Variants in SH3BGRL2 observed in about 807,000 individuals in gnomAD.
SH3BGRL2 encodes the protein SH3 domain binding glutamate rich protein like 2, also known as SH3 domain-binding glutamic acid-rich-like protein 2.
In SH3BGRL2, 21 loss-of-function variants were observed where a neutral mutation model predicts 14.8. The ratio of observed to expected loss-of-function variants is 1.42; its 90% confidence interval spans 1.01 to 2.05. The LOEUF is 2.05. Ranked by LOEUF, SH3BGRL2 falls within the 30% of genes most tolerant of loss-of-function variation. The pLI, the probability that SH3BGRL2 is intolerant of heterozygous loss-of-function variation, is 0.00. For missense variants in SH3BGRL2, 147 were observed against 130.8 expected (o/e 1.12, Z -0.61); for synonymous variants, 50 against 47.8 (o/e 1.05, Z -0.19).
At chr6:79,623,459 C>G in the SH3BGRL2 span, among the ~76,000 whole-genome samples, 1 of 152,146 alleles carries the variant, frequency 6.6e-6, no homozygotes, top group African/African-American at 2.4e-5. Context: ...GGACAGTGTT[C>G]CCTGACATCA....
the SH3BGRL2 span, among the ~76,000 whole-genome samples, chr6:79,560,106 G>T: frequency 6.6e-6 from 1 of 152,256 alleles, no homozygotes; most frequent in African/African-American, 2.4e-5. Flanking sequence ...AATGTTGGGG[G>T]TGGGGAGCAT....
At chr6:79,669,128 A>G (rs932697943) in intron 1 of SH3BGRL2, among the ~76,000 whole-genome samples, 75 of 152,308 alleles carry the variant, frequency 4.9e-4, no homozygotes, top group African/African-American at 1.7e-3. Context: ...GTTAATATTT[A>G]TTGAGGGCCT....
At chr6:79,548,236 C>A in the SH3BGRL2 span, among the ~76,000 whole-genome samples, 1 of 152,106 alleles carries the variant, frequency 6.6e-6, no homozygotes, top group South Asian at 2.1e-4. Flanking sequence ...TTAAAAAAAA[C>A]TTCATAAGTA....
At chr6:79,576,540 G>A in the SH3BGRL2 span, among the ~76,000 whole-genome samples, 9 of 152,114 alleles carry the variant, frequency 5.9e-5, no homozygotes, top group Non-Finnish European at 1.0e-4. Context: ...CTAATCAATA[G>A]TTTATTTTTT....
At chr6:79,636,030 G>A (rs1166186454) in intron 1 of SH3BGRL2, among the ~76,000 whole-genome samples, 1 of 152,032 alleles carries the variant, frequency 6.6e-6, no homozygotes, top group African/African-American at 2.4e-5. Flanking sequence ...GAATAGAGTG[G>A]GTATTAATTC....
chr6:79,590,482 G>A, the SH3BGRL2 span, among the ~76,000 whole-genome samples: 130,188 of 131,892 alleles, frequency 0.99, 64,276 homozygotes, highest in East Asian at 1. Context: ...GGAATACAGC[G>A]CAGCCATAAA....
the SH3BGRL2 span, among the ~76,000 whole-genome samples, chr6:79,559,307 A>AT: frequency 7.3e-5 from 11 of 151,402 alleles, no homozygotes; most frequent in Admixed American, 1.3e-4. Flanking sequence ...GTCTCTGCAA[A>AT]TTTTTTTTTG....
chr6:79,586,422 C>T, the SH3BGRL2 span, among the ~76,000 whole-genome samples: 1 of 151,972 alleles, frequency 6.6e-6, no homozygotes, highest in South Asian at 2.1e-4. Flanking sequence ...TTACCTTTTA[C>T]ATATGAATAT....
the SH3BGRL2 span, among the ~76,000 whole-genome samples, chr6:79,542,968 G>A: frequency 2.6e-5 from 4 of 152,182 alleles, no homozygotes; most frequent in Admixed American, 1.3e-4. Flanking sequence ...GAATTAAAAT[G>A]TGTTGAAGTA....
At chr6:79,645,651 G>A (rs1769126507) in intron 1 of SH3BGRL2, among the ~76,000 whole-genome samples, 1 of 152,186 alleles carries the variant, frequency 6.6e-6, no homozygotes, top group African/African-American at 2.4e-5. Flanking sequence ...ATTATATCGA[G>A]AAGGCTATAT....
At chr6:79,651,784 G>A (rs780867956) in intron 1 of SH3BGRL2, among the ~76,000 whole-genome samples, 20 of 152,176 alleles carry the variant, frequency 1.3e-4, no homozygotes, top group Non-Finnish European at 2.8e-4. Flanking sequence ...ATTATTACAT[G>A]CTAGTTTGTG....
chr6:79,677,922 G>C (rs1463355924), intron 2 of SH3BGRL2, among the ~76,000 whole-genome samples: 1 of 152,090 alleles, frequency 6.6e-6, no homozygotes, highest in Non-Finnish European at 1.5e-5. Context: ...TGTCTGATTT[G>C]GATTTTAGAA....
chr6:79,698,719 A>G (rs1356149211), intron 3 of SH3BGRL2, among the ~76,000 whole-genome samples: 1 of 151,444 alleles, frequency 6.6e-6, no homozygotes, highest in African/African-American at 2.4e-5. Flanking sequence ...AAGTATGTAA[A>G]TATTAGATGG....
the SH3BGRL2 span, among the ~76,000 whole-genome samples, chr6:79,616,223 A>T: frequency 6.6e-6 from 1 of 152,108 alleles, no homozygotes; most frequent in Non-Finnish European, 1.5e-5. Context: ...GCTATTAATG[A>T]CACTTCCTCA....
chr6:79,544,410 G>T, the SH3BGRL2 span, among the ~76,000 whole-genome samples: 1 of 152,218 alleles, frequency 6.6e-6, no homozygotes, highest in East Asian at 1.9e-4. Flanking sequence ...GCTGGAGCCA[G>T]CTGGTACTAG....
chr6:79,573,325 G>A, the SH3BGRL2 span, among the ~76,000 whole-genome samples: 1 of 152,090 alleles, frequency 6.6e-6, no homozygotes, highest in Non-Finnish European at 1.5e-5. Context: ...TCTGTTTCTG[G>A]ATTCTTTGTT....
intron 1 of SH3BGRL2, among the ~76,000 whole-genome samples, chr6:79,635,025 C>T (rs961382668): frequency 6.6e-6 from 1 of 152,102 alleles, no homozygotes; most frequent in Non-Finnish European, 1.5e-5. Flanking sequence ...TGGTGACAAA[C>T]TCTGTAGTGC....
intron 1 of SH3BGRL2, among the ~76,000 whole-genome samples, chr6:79,673,189 G>T (rs1769806987): frequency 6.6e-6 from 1 of 152,068 alleles, no homozygotes; most frequent in African/African-American, 2.4e-5. Flanking sequence ...ATGGCCCACT[G>T]AGAACTAAGG....
the SH3BGRL2 span, among the ~76,000 whole-genome samples, chr6:79,612,846 A>G: frequency 6.6e-6 from 1 of 152,208 alleles, no homozygotes; most frequent in Non-Finnish European, 1.5e-5. Context: ...ACAGAACCAG[A>G]CTATGTCTAC....
Sources: gnomAD v4.1 joint callset for allele counts (sites outside exome capture counted in the v4.1 genomes callset) on GRCh38, gnomAD v4.1.1 for gene constraint, MANE v1.5 for transcripts, NCBI Gene and HGNC (gene_info 2026-07-23, HGNC 2026-07-21) for gene names.